The following SOX5 variants were observed in gnomAD, a reference collection of about 807,000 sequenced individuals.
The protein encoded by SOX5 is transcription factor SOX-5.
SOX5 carries 9 observed loss-of-function variants against 92.0 expected under a neutral mutation model. The observed-to-expected ratio is 0.10, with a 90% confidence interval of 0.06 to 0.17. The LOEUF is 0.17. Ranked by LOEUF, SOX5 falls within the 10% of genes least tolerant of loss-of-function variation. SOX5 has a pLI of 1.00. For synonymous variants in SOX5, 344 were observed against 336.3 expected (o/e 1.02, Z -0.25); for missense variants, 642 against 944.5 (o/e 0.68, Z 4.20).
At chr12:24,341,748 C>T (rs374837959) in intron 2 of SOX5, among the ~76,000 whole-genome samples, 10 of 152,206 alleles carry the variant, frequency 6.6e-5, no homozygotes, top group African/African-American at 1.9e-4. Context: ...CTTCTCTGTC[C>T]GCTTCAGGAA....
chr12:24,351,212 G>C, intron 2 of SOX5, among the ~76,000 whole-genome samples: 1 of 152,084 alleles, frequency 6.6e-6, no homozygotes, highest in East Asian at 1.9e-4. Context: ...GTCTTGTAGA[G>C]TATCTAGATT....
intron 3 of SOX5, among the ~76,000 whole-genome samples, chr12:23,843,000 A>T (rs1370335741): frequency 6.6e-6 from 1 of 152,274 alleles, no homozygotes; most frequent in East Asian, 1.9e-4. Context: ...AACATTCTTA[A>T]TTACATAGAA....
intron 1 of SOX5, among the ~76,000 whole-genome samples, chr12:24,382,781 T>C (rs942163671): frequency 7.1e-6 from 1 of 141,730 alleles, no homozygotes; most frequent in African/African-American, 2.7e-5. Flanking sequence ...AGGCGTTAGA[T>C]GTACAGTAAA....
At chr12:23,886,184 A>G (rs2097062247) in intron 2 of SOX5, among the ~76,000 whole-genome samples, 1 of 152,112 alleles carries the variant, frequency 6.6e-6, no homozygotes, top group African/African-American at 2.4e-5. Context: ...TATCACCTCA[A>G]AGCCCAAGTG....
At chr12:23,801,774 G>T (rs1426148215) in intron 3 of SOX5, among the ~76,000 whole-genome samples, 1 of 152,066 alleles carries the variant, frequency 6.6e-6, no homozygotes, top group Non-Finnish European at 1.5e-5. Context: ...GACTTCAGAT[G>T]TAAATTTTAT....
At chr12:24,079,484 A>G (rs1266755058) in intron 4 of SOX5, among the ~76,000 whole-genome samples, 1 of 152,030 alleles carries the variant, frequency 6.6e-6, no homozygotes, top group Admixed American at 6.6e-5. Flanking sequence ...TTCCTAAATT[A>G]AGGGGGATGT....
chr12:23,575,684 G>A lies in SOX5; in HGVS notation c.1319C>T (p.Pro440Leu), dbSNP rs756930172. The change falls in exon 10 of 15, where the codon CCT (proline) becomes CTT (leucine). Residue 440 changes from proline to leucine, a missense_variant. Coordinates refer to ENST00000451604, the MANE Select transcript of SOX5 (RefSeq NM_006940.6). The part of the protein sequence containing the change: ...KASVPAALAS[P>L]SARVSTIGYL... ...ACCTATTGTGCTAACTCTGGCTGAA[G>A]GACTAGCTAACGCTGCTGGGACAGA... 1 of 1,614,164 alleles carries A rather than the reference G, an allele frequency of 6.2e-7. No individual in the cohort carries two copies. Among genetic ancestry groups the A allele is most frequent in the South Asian group, 1.1e-5 (1 of 91,082 alleles).
chr12:23,753,257 C>A (rs1259172759), intron 4 of SOX5, among the ~76,000 whole-genome samples: 1 of 151,688 alleles, frequency 6.6e-6, no homozygotes, highest in Non-Finnish European at 1.5e-5. Context: ...GAAACTAATT[C>A]ACTGATAGGA....
intron 1 of SOX5, among the ~76,000 whole-genome samples, chr12:24,484,018 A>G (rs1946268023): frequency 1.3e-5 from 2 of 152,230 alleles, no homozygotes; most frequent in African/African-American, 4.8e-5. Flanking sequence ...CTGCTGACTT[A>G]AAAGCGTTGT....
intron 1 of SOX5, among the ~76,000 whole-genome samples, chr12:24,517,640 C>T (rs1949910772): frequency 6.6e-6 from 1 of 151,740 alleles, no homozygotes; most frequent in Admixed American, 6.6e-5. Context: ...TAACCCTGAC[C>T]AAACATGTTA....
chr12:24,442,485 G>A (rs1384340730), intron 1 of SOX5, among the ~76,000 whole-genome samples: 1 of 152,188 alleles, frequency 6.6e-6, no homozygotes, highest in East Asian at 1.9e-4. Context: ...ATAAAGCAAA[G>A]AAGAGAGAGA....
intron 4 of SOX5, among the ~76,000 whole-genome samples, chr12:24,104,483 T>C (rs1243853332): frequency 6.6e-6 from 1 of 151,474 alleles, no homozygotes; most frequent in Admixed American, 6.6e-5. Flanking sequence ...CCTCTAAAAA[T>C]TTACTATAAA....
At chr12:24,349,495 A>C (rs1953789765) in intron 2 of SOX5, among the ~76,000 whole-genome samples, 1 of 152,202 alleles carries the variant, frequency 6.6e-6, no homozygotes, top group Non-Finnish European at 1.5e-5. Context: ...TGACTGCTTT[A>C]GGTACCCCAC....
At chr12:23,711,508 A>G (rs2092049200) in intron 6 of SOX5, among the ~76,000 whole-genome samples, 1 of 152,146 alleles carries the variant, frequency 6.6e-6, no homozygotes, top group Non-Finnish European at 1.5e-5. Flanking sequence ...TTGAAGCAAA[A>G]ATGTATTATT....
At chr12:23,768,606 G>A (rs2094817168) in intron 3 of SOX5, among the ~76,000 whole-genome samples, 1 of 152,058 alleles carries the variant, frequency 6.6e-6, no homozygotes, top group Non-Finnish European at 1.5e-5. Flanking sequence ...CTTATAAAGT[G>A]TTCCAATAAT....
At chr12:24,186,479 T>C (rs1444818456) in intron 4 of SOX5, among the ~76,000 whole-genome samples, 1 of 152,026 alleles carries the variant, frequency 6.6e-6, no homozygotes. Flanking sequence ...AATATTGAAA[T>C]AAATCATTTA....
intron 1 of SOX5, among the ~76,000 whole-genome samples, chr12:24,495,570 A>T (rs2138042280): frequency 1.3e-5 from 2 of 152,308 alleles, no homozygotes; most frequent in Middle Eastern, 3.4e-3. Context: ...ATTTGAGTGA[A>T]CACTTGAGAA....
intron 3 of SOX5, among the ~76,000 whole-genome samples, chr12:23,840,640 A>T (rs951864770): frequency 5.9e-5 from 9 of 152,168 alleles, no homozygotes; most frequent in Non-Finnish European, 1.0e-4. Context: ...AGACCAACTG[A>T]TCAATGGAAC....
chr12:24,204,962 AAAC>A (rs919334779), intron 4 of SOX5, among the ~76,000 whole-genome samples: 1 of 152,228 alleles, frequency 6.6e-6, no homozygotes, highest in Non-Finnish European at 1.5e-5. Flanking sequence ...AGAACAGAAA[AAAC>A]AAGGAGCTGG....
Sources: gnomAD v4.1 joint callset for allele counts (sites outside exome capture counted in the v4.1 genomes callset) on GRCh38, gnomAD v4.1.1 for gene constraint, MANE v1.5 for transcripts, NCBI Gene and HGNC (gene_info 2026-07-23, HGNC 2026-07-21) for gene names.